Variants in TRIM2 observed in about 807,000 individuals in gnomAD.
TRIM2 encodes the protein tripartite motif containing 2, also known as tripartite motif-containing protein 2.
Under a neutral mutation model 75.2 loss-of-function variants are expected in TRIM2, and 20 were observed. That is an observed-to-expected ratio of 0.27 (90% CI 0.19 to 0.39). TRIM2 has a LOEUF of 0.39. Ranked by LOEUF, TRIM2 falls within the 10% of genes least tolerant of loss-of-function variation. The pLI, the probability that TRIM2 is intolerant of heterozygous loss-of-function variation, is 1.00. For missense variants in TRIM2, 660 were observed against 990.8 expected, an observed-to-expected ratio of 0.67 and a Z score of 4.48; for synonymous variants, 373 against 388.3, an observed-to-expected ratio of 0.96 and a Z score of 0.46.
At chr4:153,323,588 C>A (rs142540650) in intron 9 of TRIM2, among the ~76,000 whole-genome samples, 302 of 152,180 alleles carry the variant, frequency 2.0e-3, no homozygotes, top group African/African-American at 7.0e-3. Context: ...TTCAAGTGAT[C>A]CTCCTGCCTC....
intron 1 of TRIM2, among the ~76,000 whole-genome samples, chr4:153,226,784 A>G (rs533416865): frequency 3.0e-4 from 45 of 152,328 alleles, no homozygotes; most frequent in African/African-American, 1.0e-3. Flanking sequence ...GACTCCTGAA[A>G]AGAGAGATCT....
intron 1 of TRIM2, among the ~76,000 whole-genome samples, chr4:153,173,298 T>C (rs1419278792): frequency 6.6e-6 from 1 of 152,100 alleles, no homozygotes; most frequent in Non-Finnish European, 1.5e-5. Context: ...GTCTGGAGGA[T>C]TGCTTGAGGC....
At chr4:153,322,386 G>A (rs1769197331) in intron 8 of TRIM2, among the ~76,000 whole-genome samples, 1 of 152,084 alleles carries the variant, frequency 6.6e-6, no homozygotes, top group African/African-American at 2.4e-5. Context: ...ACTCCAGCTG[G>A]GACAACAGAA....
rs1579406382 is a variant in TRIM2, at chr4:153,292,919, T to G, written c.454-63T>G. On this transcript the variant is annotated intron_variant, in intron 3 of 11. Transcript: ENST00000338700. ...TATGAGAGACTGCAAGGCAAGTGCT[T>G]AGTGTAGAGTAAGCCCTCAACCCAT... is the stretch of plus-strand genomic sequence containing the variant. 1.6e-5 allele frequency: 23 copies of G among 1,419,992 alleles called. No individual in the cohort carries two copies. The East Asian group carries it at 5.7e-4, about 35-fold the overall frequency. 88.0% of individuals were successfully genotyped at this position (1,419,992 alleles called of 1,614,324 possible).
In TRIM2 at chr4:153,265,309, GT is replaced by G. The variant is rs997698973; in HGVS notation, c.31-5017del. On this transcript the variant is annotated intron_variant, in intron 1 of 11. Transcript: ENST00000338700. Reference sequence around the variant, plus strand: ...ATTTTTAACTGATTTCGACGGAAAAGTTTTTTTTTGTTTTGTTTTGTTTTTT... The same window carrying G: ...ATTTTTAACTGATTTCGACGGAAAAGTTTTTTTTGTTTTGTTTTGTTTTTT... Among the ~76,000 whole-genome samples, 7 of 149,856 alleles carry G rather than the reference GT, an allele frequency of 4.7e-5. 1 individual carries two copies. The highest frequency in any genetic ancestry group is 2.0e-4 in the East Asian group (1 of 5,110).
At chr4:153,220,203 G>C (rs937168016) in intron 1 of TRIM2, among the ~76,000 whole-genome samples, 1 of 152,116 alleles carries the variant, frequency 6.6e-6, no homozygotes, top group Admixed American at 6.6e-5. Context: ...TGTGTTGGTG[G>C]TGACTGCTGA....
At chr4:153,168,240 T>C (rs1003605730) in intron 1 of TRIM2, among the ~76,000 whole-genome samples, 2 of 152,194 alleles carry the variant, frequency 1.3e-5, no homozygotes, top group Non-Finnish European at 2.9e-5. Context: ...AATGAGCATA[T>C]AGAACTAAAT....
At chr4:153,154,782 G>A (rs750858997) in intron 1 of TRIM2, among the ~76,000 whole-genome samples, 4 of 152,160 alleles carry the variant, frequency 2.6e-5, no homozygotes, top group Non-Finnish European at 4.4e-5. Context: ...ATCAGGTTAT[G>A]GCCCTGGGGA....
intron 10 of TRIM2, among the ~76,000 whole-genome samples, chr4:153,326,805 A>G (rs913362253): frequency 6.6e-6 from 1 of 152,142 alleles, no homozygotes; most frequent in African/African-American, 2.4e-5. Flanking sequence ...ACAGGGCGAA[A>G]CCTCGTCTCC....
intron 1 of TRIM2, among the ~76,000 whole-genome samples, chr4:153,265,056 T>G (rs1175257965): frequency 6.6e-6 from 1 of 152,218 alleles, no homozygotes; most frequent in Admixed American, 6.5e-5. Context: ...TTTTCATTTT[T>G]GGCTTTAGAG....
chr4:153,270,176 C>T (rs1267744247), intron 1 of TRIM2, among the ~76,000 whole-genome samples, 159 bp from the exon 2 acceptor site: 2 of 152,184 alleles, frequency 1.3e-5, no homozygotes, highest in Admixed American at 6.5e-5. Flanking sequence ...GATCCGCCCA[C>T]CTCGGCCTCC....
At chr4:153,324,304 T>C in intron 10 of TRIM2, 156 bp downstream of exon 10, 1 of 529,714 alleles carries the variant, frequency 1.9e-6, no homozygotes, top group Non-Finnish European at 3.1e-6. Flanking sequence ...TAACTTGGAC[T>C]TACAGACCTT....
At chr4:153,193,331 C>T (rs759629777) in intron 1 of TRIM2, among the ~76,000 whole-genome samples, 1 of 151,970 alleles carries the variant, frequency 6.6e-6, no homozygotes, top group African/African-American at 2.4e-5. Flanking sequence ...CAGGGTTTCA[C>T]TGTGTTAGTT....
intron 1 of TRIM2, among the ~76,000 whole-genome samples, chr4:153,164,130 A>G (rs1730044754): frequency 6.6e-6 from 1 of 152,008 alleles, no homozygotes; most frequent in Non-Finnish European, 1.5e-5. Flanking sequence ...AAACACATGT[A>G]CTTATTGTTT....
intron 1 of TRIM2, among the ~76,000 whole-genome samples, chr4:153,189,011 TAA>T (rs199933909): frequency 2.7e-5 from 4 of 146,138 alleles, no homozygotes; most frequent in Admixed American, 1.4e-4. Flanking sequence ...TTTCTTTCTT[TAA>T]AAAAAAAAAC....
intron 1 of TRIM2, chr4:153,257,569 G>C: frequency 7.8e-7 from 1 of 1,289,840 alleles, no homozygotes; most frequent in Non-Finnish European, 1.0e-6. Context: ...ACTTAGAGCA[G>C]AAGATATGCT....
intron 6 of TRIM2, among the ~76,000 whole-genome samples, chr4:153,314,256 T>C (rs1767062192): frequency 6.9e-6 from 1 of 144,300 alleles, no homozygotes; most frequent in Non-Finnish European, 1.5e-5. Context: ...CTGTCTCTAC[T>C]AAAAATACAA....
At chr4:153,324,679 G>C (rs1769766709) in intron 10 of TRIM2, among the ~76,000 whole-genome samples, 1 of 152,122 alleles carries the variant, frequency 6.6e-6, no homozygotes, top group African/African-American at 2.4e-5. Flanking sequence ...CTAGGTACCA[G>C]GGGAGAGAGA....
chr4:153,295,266 G>A lies in TRIM2; in HGVS notation c.787-47G>A, dbSNP rs1301857516. On this transcript the variant is annotated intron_variant, in intron 5 of 11. Transcript: ENST00000338700. This position sits in a 1 kb window ranked among gnomAD's most constrained non-coding sequence, Gnocchi z 7.2. ...GGTGGAGGGCACTGCCCCGGGCTAGGCCCCGCCCTGTGGGACGAGCTCACC... is the reference window on the plus strand; with the variant it reads ...GGTGGAGGGCACTGCCCCGGGCTAGACCCCGCCCTGTGGGACGAGCTCACC... The A allele has an allele frequency of 6.6e-7, 1 of 1,513,936 alleles. No individual in the cohort carries two copies. The highest frequency in any genetic ancestry group is 8.8e-7 in the Non-Finnish European group (1 of 1,130,756). 93.8% of individuals were successfully genotyped at this position (1,513,936 alleles called of 1,614,324 possible).
Sources: allele counts gnomAD v4.1 joint callset (sites outside exome capture counted in the v4.1 genomes callset), GRCh38; gene constraint gnomAD v4.1.1; non-coding constraint Gnocchi (gnomAD v3.1); transcripts MANE v1.5; gene names NCBI Gene and HGNC (gene_info 2026-07-23, HGNC 2026-07-21).